Variants in FHIT observed in about 807,000 individuals in gnomAD.
FHIT encodes fragile histidine triad diadenosine triphosphatase, also known as bis(5'-adenosyl)-triphosphatase.
Under a neutral mutation model 17.9 loss-of-function variants are expected in FHIT, and 19 were observed. That is an observed-to-expected ratio of 1.06 (90% CI 0.74 to 1.56). The LOEUF (loss-of-function observed/expected upper bound fraction) is 1.56, where lower values mean the gene tolerates loss of function less well. FHIT is among the 40% of genes most tolerant of loss of function. The pLI is 0.00. For synonymous variants in FHIT, 81 were observed against 69.7 expected (o/e 1.16, Z -0.81); for missense variants, 248 against 189.2 (o/e 1.31, Z -1.82).
At chr3:61,245,718 T>C (rs527660178) in intron 1 of FHIT, among the ~76,000 whole-genome samples, 1 of 152,208 alleles carries the variant, frequency 6.6e-6, no homozygotes, top group Non-Finnish European at 1.5e-5. Context: ...AAATTGTATA[T>C]GTTTATGGTA....
At chr3:60,822,504 G>A (rs1473988129) in intron 3 of FHIT, among the ~76,000 whole-genome samples, 1 of 152,148 alleles carries the variant, frequency 6.6e-6, no homozygotes, top group African/African-American at 2.4e-5. Context: ...CACAGAATCT[G>A]AAGGAATCTG....
At chr3:60,189,129 C>A (rs879680786) in intron 5 of FHIT, among the ~76,000 whole-genome samples, 5 of 151,524 alleles carry the variant, frequency 3.3e-5, no homozygotes, top group Non-Finnish European at 7.4e-5. Flanking sequence ...TTACAGGCTT[C>A]TGTCTGTTAA....
At chr3:60,942,145 G>T (rs1708439409) in intron 3 of FHIT, among the ~76,000 whole-genome samples, 1 of 152,106 alleles carries the variant, frequency 6.6e-6, no homozygotes, top group South Asian at 2.1e-4. Context: ...GCCATGCCTG[G>T]CTAATTTTTG....
intron 5 of FHIT, among the ~76,000 whole-genome samples, chr3:60,279,790 G>C (rs1707341694): frequency 6.6e-6 from 1 of 152,028 alleles, no homozygotes; most frequent in African/African-American, 2.4e-5. Context: ...CTAGCACTTT[G>C]GGAGGCCGAG....
At chr3:60,615,219 T>TG (rs1559584115) in intron 4 of FHIT, among the ~76,000 whole-genome samples, 1 of 152,202 alleles carries the variant, frequency 6.6e-6, no homozygotes, top group African/African-American at 2.4e-5. Context: ...CTAGCTTTCC[T>TG]GGAGGGATGG....
At chr3:60,876,867 G>A (rs1337478980) in intron 3 of FHIT, among the ~76,000 whole-genome samples, 1 of 152,172 alleles carries the variant, frequency 6.6e-6, no homozygotes, top group East Asian at 1.9e-4. Context: ...AAACCCTGGT[G>A]AGCACAGAAA....
intron 5 of FHIT, among the ~76,000 whole-genome samples, chr3:60,473,442 A>G (rs2033187429): frequency 6.6e-6 from 1 of 152,188 alleles, no homozygotes; most frequent in African/African-American, 2.4e-5. Flanking sequence ...AATGTGAGAG[A>G]CATTATCAAG....
At chr3:60,412,733 T>C (rs1169918392) in intron 5 of FHIT, among the ~76,000 whole-genome samples, 1 of 152,180 alleles carries the variant, frequency 6.6e-6, no homozygotes, top group Admixed American at 6.5e-5. Flanking sequence ...CCCACCTAAA[T>C]CTCATTTTGA....
intron 5 of FHIT, among the ~76,000 whole-genome samples, chr3:60,527,008 G>A (rs1188652230): frequency 6.6e-6 from 1 of 152,212 alleles, no homozygotes. Context: ...TTTCAGTGAG[G>A]TAGGAATGGT....
chr3:60,989,977 A>G (rs1168787332), intron 3 of FHIT, among the ~76,000 whole-genome samples: 1 of 152,174 alleles, frequency 6.6e-6, no homozygotes, highest in African/African-American at 2.4e-5. Context: ...AGGCTAGCAA[A>G]GAAACACAAT....
intron 5 of FHIT, among the ~76,000 whole-genome samples, chr3:60,389,235 GC>G (rs1319657976): frequency 6.6e-6 from 1 of 152,138 alleles, no homozygotes; most frequent in Non-Finnish European, 1.5e-5. Context: ...TGGAGCAAGG[GC>G]CTACCTGCCT....
chr3:60,878,655 A>G (rs1277119519), intron 3 of FHIT, among the ~76,000 whole-genome samples: 1 of 151,876 alleles, frequency 6.6e-6, no homozygotes, highest in Non-Finnish European at 1.5e-5. Context: ...CCACCCCACA[A>G]CAGGCCCCGG....
chr3:59,982,666 G>C (rs1390272287), intron 7 of FHIT, among the ~76,000 whole-genome samples: 1 of 152,148 alleles, frequency 6.6e-6, no homozygotes, highest in East Asian at 1.9e-4. Context: ...GAAGTTCTGA[G>C]CTAGGTTAAG....
chr3:60,346,645 C>G (rs926901644), intron 5 of FHIT, among the ~76,000 whole-genome samples: 1 of 152,196 alleles, frequency 6.6e-6, no homozygotes, highest in Non-Finnish European at 1.5e-5. Context: ...CAAACTGTCT[C>G]CATGCCTAAC....
chr3:61,042,941 A>C (rs2033592904), intron 2 of FHIT, among the ~76,000 whole-genome samples: 1 of 152,222 alleles, frequency 6.6e-6, no homozygotes, highest in African/African-American at 2.4e-5. Flanking sequence ...GGTTAAGAAC[A>C]GAAACAAATT....
At chr3:60,920,715 C>T (rs76399603) in intron 3 of FHIT, among the ~76,000 whole-genome samples, 83 of 152,076 alleles carry the variant, frequency 5.5e-4, no homozygotes, top group African/African-American at 2.0e-3. Context: ...GCAGCTGGAG[C>T]GGTAGAACCT....
intron 8 of FHIT, among the ~76,000 whole-genome samples, chr3:59,851,394 G>A (rs2106792725): frequency 6.6e-6 from 1 of 152,220 alleles, no homozygotes; most frequent in South Asian, 2.1e-4. Context: ...ATCCATTATT[G>A]TACTTGATCC....
chr3:61,032,551 C>G (rs945043122), intron 3 of FHIT, among the ~76,000 whole-genome samples: 6 of 152,096 alleles, frequency 3.9e-5, no homozygotes, highest in Admixed American at 1.3e-4. Flanking sequence ...CACAGCAAAA[C>G]CAGAAGGAGC....
At chr3:59,752,868 TGTTCCTTATAAATTACCCAGCCCCGGGTA>T (rs1167792939) in intron 8 of FHIT, among the ~76,000 whole-genome samples, 2 of 152,176 alleles carry the variant, frequency 1.3e-5, no homozygotes, top group African/African-American at 2.4e-5. Flanking sequence ...ATTAAACTGC[TGTTCCTTATAAATTACCCAGCCCCGGGTA>T]GTTCCTTATA....
Sources: allele counts gnomAD v4.1 joint callset (sites outside exome capture counted in the v4.1 genomes callset), GRCh38; gene constraint gnomAD v4.1.1; transcripts MANE v1.5; gene names NCBI Gene and HGNC (gene_info 2026-07-23, HGNC 2026-07-21).